The following PLA1A variants were observed in gnomAD, a reference collection of about 807,000 sequenced individuals.
PLA1A encodes the protein phosphatidylserine-specific phospholipase A1alpha.
In PLA1A, 47 loss-of-function variants were observed where a neutral mutation model predicts 49.4. That is an observed-to-expected ratio of 0.95 (90% CI 0.75 to 1.21). The LOEUF is 1.21. Among genes scored for constraint, PLA1A ranks in the 50% most tolerant of loss-of-function variants. The pLI is 0.00. For synonymous variants in PLA1A, 224 were observed against 207.9 expected, an observed-to-expected ratio of 1.08 and a Z score of -0.67; for missense variants, 561 against 563.9, an observed-to-expected ratio of 0.99 and a Z score of 0.05.
chr3:119,615,175 C>T (rs1053546817), intron 5 of PLA1A, among the ~76,000 whole-genome samples: 1 of 152,144 alleles, frequency 6.6e-6, no homozygotes, highest in Non-Finnish European at 1.5e-5. Flanking sequence ...AGGAGAAAGT[C>T]GGGGTCTTCA....
intron 1 of PLA1A, 41 bp from the exon 2 acceptor site, chr3:119,606,733 C>G: frequency 6.6e-7 from 1 of 1,522,172 alleles, no homozygotes; most frequent in East Asian, 2.2e-5. Flanking sequence ...AACAGATGAC[C>G]TCACCTTGGA....
Position 119,618,123 on chromosome 3 carries a change from G to C in PLA1A, c.859G>C (p.Ala287Pro), listed in dbSNP as rs1316976598. The change falls in exon 7 of 11, where the codon GCC (alanine) becomes CCC (proline). Residue 287 changes from alanine to proline, a missense_variant. Transcript: ENST00000273371. ...LMAFPCASYK[A>P]FLAGRCLDCF... is the part of the protein sequence containing the mutation. Reference sequence around the variant, plus strand: ...GGCCTTTCCCTGTGCCAGCTACAAGGCCTTCCTTGCTGGACGCTGTCTGGA... The same window carrying C: ...GGCCTTTCCCTGTGCCAGCTACAAGCCCTTCCTTGCTGGACGCTGTCTGGA... The C allele has an allele frequency of 2.5e-6, 4 of 1,614,010 alleles. No homozygotes were observed. In the African/African-American group the frequency reaches 5.3e-5, roughly 22 times the overall value.
chr3:119,607,628 A>G (rs1388181424), intron 2 of PLA1A, among the ~76,000 whole-genome samples: 1 of 152,190 alleles, frequency 6.6e-6, no homozygotes, highest in Non-Finnish European at 1.5e-5. Context: ...AAGGACCACC[A>G]TTTCCTGATC....
At chr3:119,619,387 C>T (rs1472799803) in intron 7 of PLA1A, among the ~76,000 whole-genome samples, 176 bp from the exon 8 acceptor site, 1 of 152,228 alleles carries the variant, frequency 6.6e-6, no homozygotes, top group Non-Finnish European at 1.5e-5. Flanking sequence ...TTACTGCCCA[C>T]TGGACCGAGT....
At chr3:119,606,506 G>T (rs1325761344) in intron 1 of PLA1A, among the ~76,000 whole-genome samples, 1 of 152,182 alleles carries the variant, frequency 6.6e-6, no homozygotes, top group Non-Finnish European at 1.5e-5. Context: ...CGGAACAACA[G>T]CCATTTCACC....
intron 2 of PLA1A, 43 bp downstream of exon 2, chr3:119,607,018 T>C: frequency 1.4e-6 from 2 of 1,474,566 alleles, no homozygotes; most frequent in Middle Eastern, 1.7e-4. Flanking sequence ...CTAAGAATGA[T>C]CAAGTAACCA....
chr3:119,612,938 AGGGT>A, intron 4 of PLA1A, 75 bp from the exon 5 acceptor site: 1 of 891,378 alleles, frequency 1.1e-6, no homozygotes, highest in Non-Finnish European at 1.7e-6. Context: ...CTGCACTGGA[AGGGT>A]GGGTGTGTGG....
intron 1 of PLA1A, 139 bp downstream of exon 1, chr3:119,598,125 GA>G (rs141574051): frequency 2.3e-5 from 12 of 513,726 alleles, no homozygotes; most frequent in Admixed American, 3.6e-5. Flanking sequence ...AACAGTAGGG[GA>G]AAAAAACCCC....
At chr3:119,624,135 A>G (rs1398395801) in intron 8 of PLA1A, among the ~76,000 whole-genome samples, 1 of 152,196 alleles carries the variant, frequency 6.6e-6, no homozygotes, top group Admixed American at 6.5e-5. Context: ...ACAGCTCTAG[A>G]GGCTGGGAAG....
At chr3:119,606,375 C>T (rs1257633876) in intron 1 of PLA1A, among the ~76,000 whole-genome samples, 2 of 152,136 alleles carry the variant, frequency 1.3e-5, no homozygotes, top group Non-Finnish European at 2.9e-5. Flanking sequence ...GATTTAGACC[C>T]ACTCTGTTGG....
chr3:119,629,451 A>G lies in PLA1A; in HGVS notation c.1354A>G (p.Lys452Glu), dbSNP rs72957048. Residue 452 changes from lysine to glutamate, a missense_variant, in exon 11 of 11, where the codon AAG (lysine) becomes GAG (glutamate). Coordinates refer to ENST00000273371, the MANE Select transcript of PLA1A (RefSeq NM_015900.4). ...QASVTVSCDL[K>E]IACV is the part of the protein sequence containing the mutation. Reference sequence around the variant, plus strand: ...AAGTGTGACTGTTTCCTGTGACCTGAAGATAGCCTGTGTGTAGTTTAACCT... The same window carrying G: ...AAGTGTGACTGTTTCCTGTGACCTGGAGATAGCCTGTGTGTAGTTTAACCT... 3,151 of 1,603,880 alleles carry G rather than the reference A, an allele frequency of 2.0e-3. 42 individuals are homozygous for G. The African/African-American group carries it at 0.035, about 18-fold the overall frequency.
intron 6 of PLA1A, among the ~76,000 whole-genome samples, chr3:119,617,759 A>T (rs895342411): frequency 6.6e-6 from 1 of 151,608 alleles, no homozygotes; most frequent in African/African-American, 2.4e-5. Flanking sequence ...AAAAGAAAAG[A>T]AAAGAAAAGA....
In PLA1A at chr3:119,615,104, G is replaced by A. The variant is rs187142058; in HGVS notation, c.665-908G>A. Among the ~76,000 whole-genome samples the A allele has an allele frequency of 8.5e-5, 13 of 152,338 alleles. No homozygotes were observed. In the East Asian group the frequency reaches 2.5e-3, roughly 29 times the overall value. ...CTTATAGGTCATTGCTTAACCTCCA[G>A]GTCGATGGCAGTAAGCAAATAATAC... On this transcript the variant is annotated intron_variant, in intron 5 of 10. Transcript: ENST00000273371.
intron 8 of PLA1A, 67 bp from the exon 9 acceptor site, chr3:119,625,057 C>T (rs563277050): frequency 2.1e-6 from 2 of 930,620 alleles, no homozygotes. Context: ...CACTGCTGCT[C>T]TCTGGGGTTT....
intron 2 of PLA1A, among the ~76,000 whole-genome samples, chr3:119,608,224 AAGAGAG>A (rs1393643729): frequency 2.7e-5 from 1 of 36,450 alleles, no homozygotes; most frequent in Non-Finnish European, 5.0e-5. Flanking sequence ...GAAAGAAAGA[AAGAGAG>A]AGAAAGAAAG....
chr3:119,614,524 T>TG (rs1264299713), intron 5 of PLA1A, among the ~76,000 whole-genome samples: 2 of 146,192 alleles, frequency 1.4e-5, no homozygotes, highest in African/African-American at 2.6e-5. Flanking sequence ...GAGAATGCCC[T>TG]GAACCCAGGA....
At chr3:119,608,727 CT>C in intron 2 of PLA1A, 42 bp from the exon 3 acceptor site, 1 of 1,461,412 alleles carries the variant, frequency 6.8e-7, no homozygotes, top group Non-Finnish European at 9.5e-7. Context: ...TGAATATCCA[CT>C]TGGCAGGTAA....
At chr3:119,613,839 G>A (rs1389015341) in intron 5 of PLA1A, among the ~76,000 whole-genome samples, 1 of 151,680 alleles carries the variant, frequency 6.6e-6, no homozygotes, top group African/African-American at 2.4e-5. Flanking sequence ...TTTGCAGGGA[G>A]CCGACATCGC....
chr3:119,624,112 A>T (rs2082984222), intron 8 of PLA1A, among the ~76,000 whole-genome samples: 1 of 152,136 alleles, frequency 6.6e-6, no homozygotes, highest in African/African-American at 2.4e-5. Flanking sequence ...AAAGCTCAGA[A>T]ATTTATTTTC....
Sources: gnomAD v4.1 joint callset for allele counts (sites outside exome capture counted in the v4.1 genomes callset) on GRCh38, gnomAD v4.1.1 for gene constraint, MANE v1.5 for transcripts, NCBI Gene and HGNC (gene_info 2026-07-23, HGNC 2026-07-21) for gene names.